The following PCBP3 variants were observed in gnomAD, a reference collection of about 807,000 sequenced individuals.
The protein encoded by PCBP3 is poly(rC)-binding protein 3.
PCBP3 carries 25 observed loss-of-function variants against 52.7 expected under a neutral mutation model. The ratio of observed to expected loss-of-function variants is 0.47; its 90% confidence interval spans 0.35 to 0.66. The LOEUF is 0.66. PCBP3 is among the 30% of genes least tolerant of loss of function. The pLI, the probability that PCBP3 is intolerant of heterozygous loss-of-function variation, is 0.01. For synonymous variants in PCBP3, 162 were observed against 183.0 expected (o/e 0.89, Z 0.93); for missense variants, 391 against 490.3 (o/e 0.80, Z 1.91).
chr21:45,797,605 G>A (rs1473366823), intron 4 of PCBP3, among the ~76,000 whole-genome samples: 1 of 135,402 alleles, frequency 7.4e-6, no homozygotes. Context: ...TGAATGCATG[G>A]ATGGATGAAT....
At chr21:45,777,142 G>A (rs2090321300) in intron 4 of PCBP3, among the ~76,000 whole-genome samples, 1 of 151,862 alleles carries the variant, frequency 6.6e-6, no homozygotes, top group Admixed American at 6.6e-5. Flanking sequence ...GTCTTGAAAG[G>A]ACTTTATTTA....
At chr21:45,713,242 C>T (rs1395210113) in intron 2 of PCBP3, among the ~76,000 whole-genome samples, 3 of 152,128 alleles carry the variant, frequency 2.0e-5, no homozygotes, top group South Asian at 2.1e-4. Flanking sequence ...GATAAAGCAC[C>T]GCCAGCAAGC....
chr21:45,874,678 T>C, intron 5 of PCBP3, among the ~76,000 whole-genome samples: 1 of 152,098 alleles, frequency 6.6e-6, no homozygotes, highest in African/African-American at 2.4e-5. Context: ...GGCTACTTTT[T>C]TGTATTTTTA....
At chr21:45,700,243 T>G (rs2083033634) in intron 2 of PCBP3, among the ~76,000 whole-genome samples, 1 of 152,232 alleles carries the variant, frequency 6.6e-6, no homozygotes, top group Admixed American at 6.5e-5. Flanking sequence ...AATGATGCCC[T>G]TAGGCCCTGA....
chr21:45,750,788 T>A (rs2146312981), intron 3 of PCBP3: 1 of 152,248 alleles, frequency 6.6e-6, no homozygotes, highest in Non-Finnish European at 1.5e-5. Context: ...CTGTCGAGTG[T>A]CTTTGCTTCT....
rs1206782732 is a variant in PCBP3, at chr21:45,835,695, A to G, written c.-125-14266A>G. Among the ~76,000 whole-genome samples the G allele has an allele frequency of 2.6e-5, 4 of 152,054 alleles. No individual in the cohort carries two copies. The East Asian group carries it at 7.8e-4, about 30-fold the overall frequency. ...CCCTGTGAGCTGCCCATGGGCCTGG[A>G]CCCTGGCTCTGGCAGACTAGGCTGC... On this transcript the variant is annotated intron_variant, in intron 4 of 17. Transcript: ENST00000681687.
intron 2 of PCBP3, among the ~76,000 whole-genome samples, chr21:45,698,750 A>G (rs2082936372): frequency 6.6e-6 from 1 of 152,232 alleles, no homozygotes. Context: ...GACTCAGAGA[A>G]CAAATGACTA....
chr21:45,700,571 C>T (rs2083059177), intron 2 of PCBP3, among the ~76,000 whole-genome samples: 1 of 152,194 alleles, frequency 6.6e-6, no homozygotes, highest in Non-Finnish European at 1.5e-5. Context: ...GGTGCCCGCC[C>T]AGCAACAACC....
chr21:45,818,874 T>C (rs188193266), intron 4 of PCBP3, among the ~76,000 whole-genome samples: 3 of 152,322 alleles, frequency 2.0e-5, no homozygotes, highest in Non-Finnish European at 4.4e-5. Context: ...GGAGGAACCT[T>C]GAATGCGTGT....
chr21:45,893,069 G>A (rs1227876627), intron 5 of PCBP3, among the ~76,000 whole-genome samples: 7 of 152,166 alleles, frequency 4.6e-5, no homozygotes, highest in Admixed American at 4.6e-4. Flanking sequence ...GTGCAGGAAG[G>A]AGGGTGTTCT....
At chr21:45,725,860 A>G (rs868725777) in intron 2 of PCBP3, among the ~76,000 whole-genome samples, 5 of 143,082 alleles carry the variant, frequency 3.5e-5, no homozygotes, top group Middle Eastern at 3.5e-3. Flanking sequence ...GACCTGATGG[A>G]GGAAAGGAAG....
rs989630752 is a variant in PCBP3 at position 45,821,620 on chromosome 21, T to C, written c.-125-28341T>C. Among the ~76,000 whole-genome samples the C allele has an allele frequency of 8.5e-5, 13 of 152,054 alleles. No individual in the cohort carries two copies. Among genetic ancestry groups the C allele is most frequent in the South Asian group, 2.1e-4 (1 of 4,808 alleles). On this transcript the variant is annotated intron_variant, in intron 4 of 17. Transcript: ENST00000681687. The surrounding 1 kb of genome is among the most constrained non-coding windows in gnomAD (Gnocchi z 4.4). ...TCTTCCTCACCTGTCTCCCTGGTTC[T>C]TGTTCTGGCTTCTCCACGGGACCCT...
At chr21:45,672,746 C>T (rs998380645) in intron 2 of PCBP3, among the ~76,000 whole-genome samples, 4 of 152,132 alleles carry the variant, frequency 2.6e-5, no homozygotes, top group African/African-American at 9.7e-5. Context: ...ATTGTGGAGT[C>T]TTAATGGGTC....
intron 5 of PCBP3, among the ~76,000 whole-genome samples, chr21:45,865,937 C>T (rs73911013): frequency 4.0e-4 from 61 of 152,330 alleles, no homozygotes; most frequent in African/African-American, 1.5e-3. Flanking sequence ...GGGCCACAGG[C>T]CGGATGCTAT....
At chr21:45,781,913 A>G (rs994941967) in intron 4 of PCBP3, among the ~76,000 whole-genome samples, 4 of 152,242 alleles carry the variant, frequency 2.6e-5, no homozygotes, top group Admixed American at 6.5e-5. Context: ...CTGAAAGTTT[A>G]TATAAATGGA....
intron 2 of PCBP3, among the ~76,000 whole-genome samples, chr21:45,705,924 G>A (rs1412527398): frequency 6.6e-6 from 1 of 152,178 alleles, no homozygotes; most frequent in Non-Finnish European, 1.5e-5. Context: ...CACAGAGCAC[G>A]TCCCTTGTTG....
intron 2 of PCBP3, among the ~76,000 whole-genome samples, chr21:45,675,590 C>T (rs756164713): frequency 5.3e-5 from 8 of 152,180 alleles, no homozygotes; most frequent in Non-Finnish European, 8.8e-5. Flanking sequence ...TATTGCAGTG[C>T]CAGTGAAAGC....
chr21:45,863,417 G>A (rs1381787666), intron 5 of PCBP3, among the ~76,000 whole-genome samples: 1 of 152,204 alleles, frequency 6.6e-6, no homozygotes, highest in African/African-American at 2.4e-5. Flanking sequence ...CCTATTCCAG[G>A]GGCTTAGCTG....
rs75239381 is a variant in PCBP3, at chr21:45,939,029, T to C, written c.910-1001T>C. 3.4e-3 allele frequency among the ~76,000 whole-genome samples: 525 copies of C among 152,322 alleles called. 1 individual carries two copies. Among genetic ancestry groups the C allele is most frequent in the African/African-American group, 0.011 (465 of 41,586 alleles). ...TGGTGTAAGGACAGAAACCTGCTCC[T>C]GTCACTCAATTTCACCACCGTTCTG... On this transcript the variant is annotated intron_variant, in intron 16 of 17. Coordinates refer to ENST00000681687, the MANE Select transcript of PCBP3 (RefSeq NM_001384156.1).
Sources: allele counts gnomAD v4.1 joint callset (sites outside exome capture counted in the v4.1 genomes callset), GRCh38; gene constraint gnomAD v4.1.1; non-coding constraint Gnocchi (gnomAD v3.1); transcripts MANE v1.5; gene names NCBI Gene and HGNC (gene_info 2026-07-23, HGNC 2026-07-21).